Variants in PKHD1 observed in about 807,000 individuals in gnomAD.
PKHD1 encodes the protein PKHD1 ciliary IPT domain containing fibrocystin/polyductin.
Under a neutral mutation model 412.0 loss-of-function variants are expected in PKHD1, and 291 were observed. The observed-to-expected ratio is 0.71, with a 90% CI of 0.64 to 0.78. The LOEUF (loss-of-function observed/expected upper bound fraction) is 0.78, where lower values mean the gene tolerates loss of function less well. Among genes scored for constraint, PKHD1 ranks in the 30% least tolerant of loss-of-function variants. The pLI is 0.00. For synonymous variants in PKHD1, 1,777 were observed against 1,821.5 expected (o/e 0.98, Z 0.62); for missense variants, 4,825 against 4,950.7 (o/e 0.97, Z 0.76).
chr6:51,783,144 C>T (rs1330873453), intron 53 of PKHD1, among the ~76,000 whole-genome samples: 1 of 151,964 alleles, frequency 6.6e-6, no homozygotes, highest in Non-Finnish European at 1.5e-5. Flanking sequence ...GATAAAAGCC[C>T]GAGTGCCTAG....
chr6:52,059,328 G>T (rs1808324444), intron 15 of PKHD1, among the ~76,000 whole-genome samples: 1 of 128,628 alleles, frequency 7.8e-6, no homozygotes, highest in African/African-American at 2.9e-5. Context: ...TGCAGTGGCA[G>T]CCACGACTGC....
At chr6:51,981,308 A>ACCTACCTCTACCTCT in intron 35 of PKHD1, among the ~76,000 whole-genome samples, 1 of 14,338 alleles carries the variant, frequency 7.0e-5, no homozygotes, top group African/African-American at 1.2e-4. Context: ...TCCAAAGCTC[A>ACCTACCTCTACCTCT]AGCTCTCCCT....
intron 5 of PKHD1, among the ~76,000 whole-genome samples, chr6:52,078,459 G>A (rs556203383): frequency 2.0e-5 from 3 of 152,178 alleles, no homozygotes; most frequent in African/African-American, 4.8e-5. Flanking sequence ...ACTTGTCAGC[G>A]CCCACAGCAG....
At chr6:51,968,973 G>T (rs1420092896) in intron 35 of PKHD1, among the ~76,000 whole-genome samples, 1 of 152,148 alleles carries the variant, frequency 6.6e-6, no homozygotes, top group African/African-American at 2.4e-5. Flanking sequence ...GAATATGATG[G>T]GCTATCACTC....
intron 36 of PKHD1, among the ~76,000 whole-genome samples, chr6:51,946,504 C>T (rs1002878190): frequency 1.3e-5 from 2 of 152,176 alleles, no homozygotes; most frequent in African/African-American, 4.8e-5. Flanking sequence ...AATAAATATA[C>T]AGTGGGCTGC....
intron 50 of PKHD1, among the ~76,000 whole-genome samples, chr6:51,838,685 A>C (rs1769664733): frequency 6.6e-6 from 1 of 152,162 alleles, no homozygotes; most frequent in Non-Finnish European, 1.5e-5. Flanking sequence ...ATCTCTTCCC[A>C]AACACCATTT....
rs113543796 is a variant in PKHD1 at position 52,048,708 on chromosome 6, G to C, written c.2280-89C>G. 1,427 of 1,512,124 alleles carry C rather than the reference G, an allele frequency of 9.4e-4. 17 individuals carry two copies. The African/African-American group carries it at 0.016, about 17-fold the overall frequency. 93.7% of individuals were successfully genotyped at this position (1,512,124 alleles called of 1,614,324 possible). ...TCTGAAGGATGTCCTGTCTTGCTTA[G>C]GCTGCAGCCTTCCAGAAAGAGCTAA... On this transcript the variant is annotated intron_variant, in intron 22 of 66. Coordinates refer to ENST00000371117, the MANE Select transcript of PKHD1 (RefSeq NM_138694.4).
chr6:51,745,053 T>C (rs557315875), intron 59 of PKHD1, among the ~76,000 whole-genome samples: 21 of 152,270 alleles, frequency 1.4e-4, no homozygotes, highest in Non-Finnish European at 2.9e-4. Flanking sequence ...AAGTGGGCTA[T>C]ATAAACAATT....
intron 49 of PKHD1, among the ~76,000 whole-genome samples, chr6:51,849,064 C>G (rs561008528): frequency 1.3e-5 from 2 of 151,996 alleles, no homozygotes; most frequent in African/African-American, 4.8e-5. Flanking sequence ...CCTCCTACCC[C>G]CAAACAGGCC....
intron 60 of PKHD1, among the ~76,000 whole-genome samples, chr6:51,722,682 T>A (rs1245796072): frequency 6.6e-6 from 1 of 152,218 alleles, no homozygotes; most frequent in Admixed American, 6.5e-5. Flanking sequence ...TAAATTAAAC[T>A]AAAATTAACA....
chr6:52,065,188 G>GAGAGAC (rs1809477880), intron 12 of PKHD1, 138 bp from the exon 13 acceptor site: 2 of 178,858 alleles, frequency 1.1e-5, no homozygotes, highest in African/African-American at 5.1e-5. Context: ...GAGAGAGAGA[G>GAGAGAC]AGAGAGAGAC....
chr6:51,965,782 C>T (rs776385747), intron 35 of PKHD1, among the ~76,000 whole-genome samples: 6 of 151,986 alleles, frequency 3.9e-5, no homozygotes, highest in African/African-American at 7.2e-5. Flanking sequence ...CTATCCTCTG[C>T]GATTTCTCAA....
intron 52 of PKHD1, among the ~76,000 whole-genome samples, chr6:51,816,996 A>C (rs1371579288): frequency 6.6e-6 from 1 of 152,248 alleles, no homozygotes; most frequent in African/African-American, 2.4e-5. Context: ...TTTGTAGTAC[A>C]TGAAAAGCAA....
At chr6:52,045,151 A>AAT in intron 24 of PKHD1, 63 bp from the exon 25 acceptor site, 1 of 1,521,232 alleles carries the variant, frequency 6.6e-7, no homozygotes, top group South Asian at 1.1e-5. Flanking sequence ...CGTCTAATCA[A>AAT]ATAATAAAGA....
At chr6:51,712,198 T>C (rs1368165899) in intron 60 of PKHD1, among the ~76,000 whole-genome samples, 1 of 152,172 alleles carries the variant, frequency 6.6e-6, no homozygotes, top group Non-Finnish European at 1.5e-5. Context: ...TCTTGAAGTA[T>C]AAATAGGCCC....
At chr6:51,651,564 G>A in intron 61 of PKHD1, among the ~76,000 whole-genome samples, 1 of 152,046 alleles carries the variant, frequency 6.6e-6, no homozygotes, top group Non-Finnish European at 1.5e-5. Context: ...TCTTCTGATA[G>A]GTCAATAGCA....
chr6:51,970,458 G>C (rs1394772462), intron 35 of PKHD1, among the ~76,000 whole-genome samples: 1 of 152,120 alleles, frequency 6.6e-6, no homozygotes, highest in African/African-American at 2.4e-5. Flanking sequence ...AGTTTTACTA[G>C]GTCCCACTTG....
At chr6:52,083,319 T>C (rs1812311561) in intron 2 of PKHD1, 64 bp from the exon 3 acceptor site, 2 of 1,041,988 alleles carry the variant, frequency 1.9e-6, no homozygotes, top group South Asian at 2.5e-5. Context: ...CCTTCTGCAA[T>C]ATTTTAAGCA....
At chr6:51,638,338 C>T (rs1206061579) in intron 64 of PKHD1, among the ~76,000 whole-genome samples, 1 of 152,102 alleles carries the variant, frequency 6.6e-6, no homozygotes, top group Admixed American at 6.6e-5. Context: ...ATGAGAGTCA[C>T]ATTTAATACG....
Sources: allele counts gnomAD v4.1 joint callset (sites outside exome capture counted in the v4.1 genomes callset), GRCh38; gene constraint gnomAD v4.1.1; transcripts MANE v1.5; gene names NCBI Gene and HGNC (gene_info 2026-07-23, HGNC 2026-07-21).